Variants in RBMS3 observed in about 807,000 individuals in gnomAD.
RBMS3 encodes the protein RNA binding motif single stranded interacting protein 3, also known as RNA-binding motif, single-stranded-interacting protein 3.
RBMS3 carries 27 observed loss-of-function variants against 66.8 expected under a neutral mutation model. The ratio of observed to expected loss-of-function variants is 0.40; its 90% CI spans 0.30 to 0.56. The LOEUF (loss-of-function observed/expected upper bound fraction) is 0.56. RBMS3 is among the 20% of genes least tolerant of loss of function. RBMS3 has a pLI of 0.40. For missense variants in RBMS3, 513 were observed against 549.5 expected, an observed-to-expected ratio of 0.93 and a Z score of 0.66; for synonymous variants, 188 against 183.0, an observed-to-expected ratio of 1.03 and a Z score of -0.22.
chr3:29,907,059 A>G (rs1218100409), intron 10 of RBMS3, among the ~76,000 whole-genome samples: 1 of 152,090 alleles, frequency 6.6e-6, no homozygotes, highest in East Asian at 1.9e-4. Context: ...GTGACCACAT[A>G]TTATATTTGG....
intron 4 of RBMS3, among the ~76,000 whole-genome samples, chr3:29,714,777 CAT>C (rs2053321426): frequency 1.3e-5 from 2 of 151,036 alleles, no homozygotes; most frequent in Non-Finnish European, 3.0e-5. Flanking sequence ...CACACACACA[CAT>C]ACTCTCAAAC....
intron 4 of RBMS3, among the ~76,000 whole-genome samples, chr3:29,728,759 A>G (rs1297854556): frequency 2.6e-5 from 4 of 152,052 alleles, no homozygotes; most frequent in Non-Finnish European, 4.4e-5. Flanking sequence ...GCCATCCTTC[A>G]CTTAGACTGA....
intron 14 of RBMS3, among the ~76,000 whole-genome samples, chr3:29,993,961 C>T (rs1260707729): frequency 6.6e-6 from 1 of 152,014 alleles, no homozygotes; most frequent in Non-Finnish European, 1.5e-5. Context: ...CTCCAGTCTA[C>T]AGCTCCCAGT....
chr3:29,481,683 G>A (rs2043134439), intron 2 of RBMS3, among the ~76,000 whole-genome samples: 1 of 152,184 alleles, frequency 6.6e-6, no homozygotes, highest in African/African-American at 2.4e-5. Flanking sequence ...GAGTGAAGAA[G>A]AAACTGTGAA....
At chr3:29,394,748 T>A (rs2039468234) in intron 1 of RBMS3, among the ~76,000 whole-genome samples, 1 of 152,202 alleles carries the variant, frequency 6.6e-6, no homozygotes, top group South Asian at 2.1e-4. Context: ...CACAGTGGCC[T>A]CTAAGGCCCT....
intron 3 of RBMS3, among the ~76,000 whole-genome samples, chr3:29,529,748 G>A (rs943077635): frequency 4.6e-5 from 7 of 152,084 alleles, no homozygotes; most frequent in African/African-American, 1.7e-4. Context: ...AATGGATAAA[G>A]TTTCATTTTC....
chr3:29,716,972 C>A (rs938762338), intron 4 of RBMS3, among the ~76,000 whole-genome samples: 1 of 151,900 alleles, frequency 6.6e-6, no homozygotes, highest in Admixed American at 6.6e-5. Flanking sequence ...ATTTTAGCAG[C>A]AGCATTTTAT....
chr3:29,717,925 A>G (rs575871493), intron 4 of RBMS3, among the ~76,000 whole-genome samples: 1 of 152,132 alleles, frequency 6.6e-6, no homozygotes, highest in Non-Finnish European at 1.5e-5. Context: ...ATTCATAAAG[A>G]TCATGAATGC....
chr3:29,676,094 C>G (rs58036922), intron 4 of RBMS3, among the ~76,000 whole-genome samples: 4,117 of 152,222 alleles, frequency 0.027, 78 homozygotes, highest in Admixed American at 0.063. Flanking sequence ...ACTATGCAGC[C>G]ATAAAAAAGG....
chr3:29,595,137 G>A (rs534660526), intron 4 of RBMS3, among the ~76,000 whole-genome samples: 7 of 152,146 alleles, frequency 4.6e-5, no homozygotes, highest in Non-Finnish European at 8.8e-5. Context: ...AGTGGCTCAC[G>A]CCTGTAATCC....
In RBMS3 at chr3:29,639,389, AT is replaced by A. The variant is rs1284145453; in HGVS notation, c.399+52192del. On this transcript the variant is annotated intron_variant, in intron 4 of 14. Coordinates refer to ENST00000383767, the MANE Select transcript of RBMS3 (RefSeq NM_001003793.3). ...CCAAGGGGAAATTTTTGAAAATTGTATTTTTTTTATAAACACGCCTAGTGAT... is the reference window on the plus strand; with the variant it reads ...CCAAGGGGAAATTTTTGAAAATTGTATTTTTTTATAAACACGCCTAGTGAT... Among the ~76,000 whole-genome samples the A allele has an allele frequency of 4.6e-5, 7 of 151,642 alleles. No individual in the cohort carries two copies. In the East Asian group the frequency reaches 5.8e-4, roughly 13 times the overall value.
At chr3:29,350,360 A>G (rs1414701141) in intron 1 of RBMS3, among the ~76,000 whole-genome samples, 2 of 152,196 alleles carry the variant, frequency 1.3e-5, no homozygotes, top group East Asian at 1.9e-4. Context: ...CTTTCATTTT[A>G]GAGATTGCCA....
chr3:29,575,256 T>C (rs2047079030), intron 3 of RBMS3, among the ~76,000 whole-genome samples: 1 of 152,104 alleles, frequency 6.6e-6, no homozygotes, highest in Non-Finnish European at 1.5e-5. Flanking sequence ...AGGATATCTT[T>C]GTCGGATATA....
chr3:29,548,937 A>G (rs1386625463), intron 3 of RBMS3, among the ~76,000 whole-genome samples: 1 of 152,192 alleles, frequency 6.6e-6, no homozygotes, highest in African/African-American at 2.4e-5. Flanking sequence ...ATGGTAAAAC[A>G]GAATGCAAAT....
intron 12 of RBMS3, among the ~76,000 whole-genome samples, chr3:29,948,363 C>G (rs1695456587): frequency 6.6e-6 from 1 of 151,618 alleles, no homozygotes; most frequent in African/African-American, 2.4e-5. Flanking sequence ...TTGTGATGTC[C>G]AAGCAAAGAT....
intron 4 of RBMS3, among the ~76,000 whole-genome samples, chr3:29,657,396 A>G (rs1452582016): frequency 6.6e-6 from 1 of 152,134 alleles, no homozygotes; most frequent in Non-Finnish European, 1.5e-5. Context: ...TTTTCTCCAT[A>G]TACTAACTGC....
At chr3:29,555,275 T>C (rs2046317105) in intron 3 of RBMS3, among the ~76,000 whole-genome samples, 1 of 152,184 alleles carries the variant, frequency 6.6e-6, no homozygotes, top group Admixed American at 6.5e-5. Context: ...ACCAATGTGT[T>C]AGAGATATGA....
rs35526375 is a variant in RBMS3, at chr3:29,307,228, C to G, written c.75+25472C>G. Among the ~76,000 whole-genome samples, 1,256 of 152,006 alleles carry G rather than the reference C, an allele frequency of 8.3e-3. 12 individuals carry two copies. The highest frequency in any genetic ancestry group is 0.011 in the Non-Finnish European group (761 of 67,912). On this transcript the variant is annotated intron_variant, in intron 1 of 14. Coordinates refer to ENST00000383767, the MANE Select transcript of RBMS3 (RefSeq NM_001003793.3). Reference sequence around the variant, plus strand: ...GTTCTTTCCACAGCTGGTCATAGAGCTCATCAAAGCATTGTACTTTAGCTA... The same window carrying G: ...GTTCTTTCCACAGCTGGTCATAGAGGTCATCAAAGCATTGTACTTTAGCTA...
At chr3:29,325,193 CAT>C (rs376157239) in intron 1 of RBMS3, among the ~76,000 whole-genome samples, 3 of 151,978 alleles carry the variant, frequency 2.0e-5, no homozygotes, top group Non-Finnish European at 2.9e-5. Flanking sequence ...GAAAAAAAGA[CAT>C]AGTGCAGAAC....
Sources: gnomAD v4.1 joint callset for allele counts (sites outside exome capture counted in the v4.1 genomes callset) on GRCh38, gnomAD v4.1.1 for gene constraint, MANE v1.5 for transcripts, NCBI Gene and HGNC (gene_info 2026-07-23, HGNC 2026-07-21) for gene names.